CTNNA3: variants seen among roughly 807,000 people sequenced by gnomAD.
CTNNA3 encodes catenin alpha 3.
A neutral mutation model predicts 95.7 loss-of-function variants in CTNNA3; 76 were observed. The observed-to-expected ratio is 0.79, with a 90% confidence interval of 0.66 to 0.96. CTNNA3 has a LOEUF of 0.96. Ranked by LOEUF, CTNNA3 falls within the 40% of genes least tolerant of loss-of-function variation. The pLI is 0.00. For synonymous variants in CTNNA3, 431 were observed against 374.4 expected (o/e 1.15, Z -1.74); for missense variants, 1,191 against 1,089.8 (o/e 1.09, Z -1.31).
intron 4 of CTNNA3, among the ~76,000 whole-genome samples, chr10:67,525,175 G>A (rs139572370): frequency 0.021 from 3,210 of 149,490 alleles, 73 homozygotes; most frequent in South Asian, 0.034. Context: ...TTTTTAACTC[G>A]TTATAAACCA....
chr10:66,685,474 G>A (rs532959464), intron 9 of CTNNA3, among the ~76,000 whole-genome samples: 66 of 136,698 alleles, frequency 4.8e-4, no homozygotes, highest in African/African-American at 1.6e-3. Context: ...CCGGGTTCTC[G>A]CCATTCTCCT....
intron 1 of CTNNA3, among the ~76,000 whole-genome samples, chr10:67,687,286 TG>T (rs1280734851): frequency 1.3e-5 from 2 of 152,224 alleles, no homozygotes; most frequent in Non-Finnish European, 2.9e-5. Context: ...ATCATCTGGT[TG>T]GGGGCTTCTG....
intron 7 of CTNNA3, among the ~76,000 whole-genome samples, chr10:67,089,169 C>T (rs1857485164): frequency 1.3e-5 from 2 of 151,934 alleles, no homozygotes; most frequent in Non-Finnish European, 2.9e-5. Context: ...CCCATGGATA[C>T]TGAGGGAGGA....
chr10:67,556,507 A>G (rs992332304), intron 3 of CTNNA3, among the ~76,000 whole-genome samples: 1 of 151,972 alleles, frequency 6.6e-6, no homozygotes, highest in African/African-American at 2.4e-5. Context: ...CCAGGAATTT[A>G]TCCATTTCTT....
chr10:67,275,416 A>T (rs1009291952), intron 5 of CTNNA3, among the ~76,000 whole-genome samples: 1 of 152,308 alleles, frequency 6.6e-6, no homozygotes, highest in East Asian at 1.9e-4. Flanking sequence ...AGAAACTTTG[A>T]TCAAACTACA....
At chr10:67,670,198 G>C (rs1324768721) in intron 1 of CTNNA3, among the ~76,000 whole-genome samples, 2 of 152,146 alleles carry the variant, frequency 1.3e-5, no homozygotes, top group African/African-American at 4.8e-5. Context: ...GGCTATATTA[G>C]AAAGAGAGGA....
At chr10:67,520,588 T>A (rs1273120101) in intron 5 of CTNNA3, among the ~76,000 whole-genome samples, 1 of 152,170 alleles carries the variant, frequency 6.6e-6, no homozygotes. Flanking sequence ...AATACCTAGA[T>A]CATCATTAAT....
At chr10:66,426,304 T>C (rs1564951051) in intron 11 of CTNNA3, among the ~76,000 whole-genome samples, 1 of 152,110 alleles carries the variant, frequency 6.6e-6, no homozygotes, top group Non-Finnish European at 1.5e-5. Flanking sequence ...TGTTAAAGTA[T>C]TGTCCAATTT....
At chr10:67,048,218 T>C (rs1935089127) in intron 7 of CTNNA3, among the ~76,000 whole-genome samples, 1 of 152,128 alleles carries the variant, frequency 6.6e-6, no homozygotes, top group South Asian at 2.1e-4. Flanking sequence ...TGGAAGACCC[T>C]ACTCATGAAA....
intron 5 of CTNNA3, among the ~76,000 whole-genome samples, chr10:67,286,607 A>G (rs564296219): frequency 3.3e-5 from 5 of 152,286 alleles, no homozygotes; most frequent in Admixed American, 3.3e-4. Flanking sequence ...AAAGTTATCT[A>G]TTATTTAAGC....
chr10:66,274,870 G>T (rs1272739470), intron 13 of CTNNA3, among the ~76,000 whole-genome samples: 4 of 152,012 alleles, frequency 2.6e-5, no homozygotes, highest in Non-Finnish European at 5.9e-5. Flanking sequence ...TCAGGAATAT[G>T]ATCAATCCCT....
At chr10:66,167,071 T>C (rs2085168740) in intron 13 of CTNNA3, among the ~76,000 whole-genome samples, 1 of 152,144 alleles carries the variant, frequency 6.6e-6, no homozygotes, top group Non-Finnish European at 1.5e-5. Flanking sequence ...ACTGAAGTAT[T>C]GTAACATGCA....
chr10:66,453,407 C>A (rs950291364), intron 11 of CTNNA3, among the ~76,000 whole-genome samples: 3 of 152,212 alleles, frequency 2.0e-5, no homozygotes, highest in Non-Finnish European at 4.4e-5. Context: ...TGCCACTTGG[C>A]ATCAGTTGTG....
chr10:66,007,849 CCCTT>C (rs2078929329), intron 15 of CTNNA3, among the ~76,000 whole-genome samples: 1 of 149,250 alleles, frequency 6.7e-6, no homozygotes, highest in African/African-American at 2.5e-5. Flanking sequence ...CTCCCTCCCT[CCCTT>C]CCTTCCTACT....
chr10:67,566,047 A>G lies in CTNNA3; in HGVS notation c.293-26378T>C, dbSNP rs558059774. ...CACACACACATATGTGTGTGTGTAT[A>G]TATATATATATATATATATATATAT... On this transcript the variant is annotated intron_variant, in intron 3 of 17. Coordinates refer to ENST00000433211, the MANE Select transcript of CTNNA3 (RefSeq NM_013266.4). Among the ~76,000 whole-genome samples the G allele has an allele frequency of 2.3e-3, 167 of 71,722 alleles. 8 individuals are homozygous for G. The highest frequency in any genetic ancestry group is 8.5e-3 in the East Asian group (9 of 1,064). The allele number at this position is 71,722 out of a possible 152,430, so 47.1% of individuals were successfully genotyped here. A position where few individuals can be genotyped will look rare whatever the true frequency, so the allele number is the denominator to read the frequency against.
chr10:66,098,811 T>A (rs1213313168), intron 14 of CTNNA3: 1 of 152,196 alleles, frequency 6.6e-6, no homozygotes, highest in Non-Finnish European at 1.5e-5. Context: ...AACCACGTAT[T>A]GGTCCAGTGA....
chr10:67,037,184 T>C (rs1022911185), intron 7 of CTNNA3, among the ~76,000 whole-genome samples: 5 of 152,128 alleles, frequency 3.3e-5, no homozygotes, highest in Admixed American at 3.3e-4. Flanking sequence ...CAACTAATAG[T>C]AATAGGTAAT....
intron 5 of CTNNA3, among the ~76,000 whole-genome samples, chr10:67,350,910 GTA>G (rs3057678): frequency 0.012 from 1,735 of 141,780 alleles, 25 homozygotes; most frequent in African/African-American, 0.041. Flanking sequence ...AAAAGTATGT[GTA>G]TATATATATA....
At chr10:66,546,624 C>T (rs148564426) in intron 10 of CTNNA3, among the ~76,000 whole-genome samples, 32 of 152,184 alleles carry the variant, frequency 2.1e-4, no homozygotes, top group Non-Finnish European at 3.8e-4. Context: ...AGGCATCAGG[C>T]GGTAGATGTG....
Sources: gnomAD v4.1 joint callset for allele counts (sites outside exome capture counted in the v4.1 genomes callset) on GRCh38, gnomAD v4.1.1 for gene constraint, MANE v1.5 for transcripts, NCBI Gene and HGNC (gene_info 2026-07-23, HGNC 2026-07-21) for gene names.